The following NCOA2 variants were observed in gnomAD, a reference collection of about 807,000 sequenced individuals.
NCOA2 encodes the protein class E basic helix-loop-helix protein 75.
Under a neutral mutation model 145.1 loss-of-function variants are expected in NCOA2, and 21 were observed. The observed-to-expected ratio is 0.14, with a 90% CI of 0.10 to 0.21. NCOA2 has a LOEUF of 0.21. Ranked by LOEUF, NCOA2 falls within the 10% of genes least tolerant of loss-of-function variation. The probability of loss-of-function intolerance (pLI) is 1.00; values close to 1 mark genes in which losing one functional copy is unlikely to be tolerated. For missense variants in NCOA2, 1,472 were observed against 1,837.6 expected (o/e 0.80, Z 3.64); for synonymous variants, 619 against 637.5 (o/e 0.97, Z 0.44).
chr8:70,382,172 T>C (rs1180049601), intron 1 of NCOA2, among the ~76,000 whole-genome samples: 1 of 151,890 alleles, frequency 6.6e-6, no homozygotes, highest in Non-Finnish European at 1.5e-5. Flanking sequence ...CAACATATGG[T>C]CTGGGAAATA....
intron 7 of NCOA2, among the ~76,000 whole-genome samples, chr8:70,166,288 CT>C (rs1197829325): frequency 6.6e-6 from 1 of 152,174 alleles, no homozygotes; most frequent in Non-Finnish European, 1.5e-5. Context: ...CTCCCGCCCC[CT>C]AGCTGCACTA....
rs1193159006 is a variant in NCOA2, at chr8:70,121,304, G to T, written c.4381C>A (p.Arg1461=). The change falls in exon 22 of 23, where the codon CGG becomes AGG. Residue 1461 remains arginine, a splice_region_variant and synonymous_variant. Coordinates refer to ENST00000452400, the MANE Select transcript of NCOA2 (RefSeq NM_006540.4). The stretch of plus-strand genomic sequence containing the variant: ...TATATTTCACTGTTCTTTCTTACCC[G>T]TGTTGTGTCTCCCTCCTGCTTAATC... ...DMIKQEGDTT[R]KYC is the part of the protein sequence containing the mutation. 1 of 1,611,370 alleles carries T rather than the reference G, an allele frequency of 6.2e-7. No individual in the cohort carries two copies. Among genetic ancestry groups the T allele is most frequent in the Non-Finnish European group, 8.5e-7 (1 of 1,178,426 alleles).
the NCOA2 span, among the ~76,000 whole-genome samples, chr8:70,416,252 C>T: frequency 6.7e-6 from 1 of 149,116 alleles, no homozygotes; most frequent in Non-Finnish European, 1.5e-5. Context: ...ATGAGCACTG[C>T]TGATTTCAGT....
chr8:70,273,173 G>C (rs1825188249), intron 2 of NCOA2, among the ~76,000 whole-genome samples: 1 of 152,092 alleles, frequency 6.6e-6, no homozygotes, highest in African/African-American at 2.4e-5. Context: ...ATGATGATAA[G>C]AGTAGCCTAA....
intron 16 of NCOA2, among the ~76,000 whole-genome samples, chr8:70,131,186 A>T (rs201081674): frequency 1.3e-5 from 2 of 149,892 alleles, no homozygotes; most frequent in Admixed American, 6.6e-5. Context: ...GTGACATTTT[A>T]TTTTTTTTTT....
intron 1 of NCOA2, among the ~76,000 whole-genome samples, chr8:70,298,421 A>G (rs939557287): frequency 9.2e-5 from 14 of 152,206 alleles, no homozygotes; most frequent in African/African-American, 3.4e-4. Context: ...AAACAAAAAG[A>G]ATCTATATGC....
chr8:70,436,689 G>C, the NCOA2 span, among the ~76,000 whole-genome samples: 2 of 152,210 alleles, frequency 1.3e-5, no homozygotes, highest in South Asian at 4.1e-4. Flanking sequence ...TGCTGAACCA[G>C]AGTGCTGATT....
chr8:70,393,864 G>GTT (rs1813422536), intron 1 of NCOA2, among the ~76,000 whole-genome samples: 1 of 152,218 alleles, frequency 6.6e-6, no homozygotes, highest in African/African-American at 2.4e-5. Flanking sequence ...TAATGCTCCA[G>GTT]TTTTGTTTTC....
intron 22 of NCOA2, 68 bp downstream of exon 22, chr8:70,121,234 C>G (rs3763523): frequency 0.19 from 253,945 of 1,312,198 alleles, 31,032 homozygotes; most frequent in East Asian, 0.57. Context: ...ATCTATGCCA[C>G]TTTTGGTCTA....
intron 2 of NCOA2, among the ~76,000 whole-genome samples, chr8:70,221,849 C>T (rs1181686985): frequency 1.3e-5 from 2 of 152,138 alleles, no homozygotes; most frequent in Admixed American, 6.6e-5. Flanking sequence ...GAAAATCAAA[C>T]GTTGCTTCCC....
intron 2 of NCOA2, among the ~76,000 whole-genome samples, chr8:70,266,226 G>C (rs899971363): frequency 1.5e-4 from 23 of 152,272 alleles, no homozygotes; most frequent in African/African-American, 5.1e-4. Context: ...ACAGTGGCAC[G>C]ATCACAGTTT....
At chr8:70,258,306 T>C (rs1823818299) in intron 2 of NCOA2, among the ~76,000 whole-genome samples, 1 of 152,226 alleles carries the variant, frequency 6.6e-6, no homozygotes, top group Non-Finnish European at 1.5e-5. Flanking sequence ...GTATCAAAGA[T>C]CATATTCATG....
chr8:70,416,191 TTTTG>T, the NCOA2 span, among the ~76,000 whole-genome samples: 9 of 140,482 alleles, frequency 6.4e-5, no homozygotes, highest in African/African-American at 2.6e-4. Flanking sequence ...ACCTCAGTTT[TTTTG>T]TTTTTTTTTT....
intron 1 of NCOA2, among the ~76,000 whole-genome samples, chr8:70,314,008 AAT>A (rs371668024): frequency 1.2e-4 from 18 of 149,730 alleles, no homozygotes; most frequent in Admixed American, 6.7e-5. Flanking sequence ...CCTACTAAAA[AAT>A]ATATATATAT....
intron 1 of NCOA2, among the ~76,000 whole-genome samples, chr8:70,297,365 G>A (rs570536235): frequency 2.0e-5 from 3 of 151,950 alleles, no homozygotes; most frequent in Non-Finnish European, 4.4e-5. Context: ...ACAAAATTTC[G>A]TTCTGCTACC....
At chr8:70,147,113 C>CGT (rs1491289607) in intron 12 of NCOA2, among the ~76,000 whole-genome samples, 4 of 97,118 alleles carry the variant, frequency 4.1e-5, no homozygotes, top group African/African-American at 2.0e-4. Flanking sequence ...AAATCTTTCG[C>CGT]GCGCGCGCGC....
chr8:70,127,941 C>T (rs1207973773), intron 18 of NCOA2, among the ~76,000 whole-genome samples: 1 of 152,124 alleles, frequency 6.6e-6, no homozygotes, highest in African/African-American at 2.4e-5. Context: ...TAAACTGGCT[C>T]CCAGGCATGG....
the NCOA2 span, among the ~76,000 whole-genome samples, chr8:70,420,107 G>T: frequency 6.6e-6 from 1 of 152,114 alleles, no homozygotes; most frequent in Non-Finnish European, 1.5e-5. Context: ...GCACAGGGCA[G>T]GTTTTTAATG....
At chr8:70,272,354 C>T (rs1451212705) in intron 2 of NCOA2, among the ~76,000 whole-genome samples, 1 of 152,128 alleles carries the variant, frequency 6.6e-6, no homozygotes, top group African/African-American at 2.4e-5. Flanking sequence ...AACATGAAAC[C>T]CCTACCCCCA....
Sources: gnomAD v4.1 joint callset for allele counts (sites outside exome capture counted in the v4.1 genomes callset) on GRCh38, gnomAD v4.1.1 for gene constraint, MANE v1.5 for transcripts, NCBI Gene and HGNC (gene_info 2026-07-23, HGNC 2026-07-21) for gene names.